GRIK2: variants seen among roughly 807,000 people sequenced by gnomAD.
The protein encoded by GRIK2 is glutamate ionotropic receptor kainate type subunit 2.
A neutral mutation model predicts 100.3 loss-of-function variants in GRIK2; 32 were observed. That is an observed-to-expected ratio of 0.32 (90% CI 0.24 to 0.43). GRIK2 has a LOEUF of 0.43. Among genes scored for constraint, GRIK2 ranks in the 20% least tolerant of loss-of-function variants. GRIK2 has a pLI of 1.00. For missense variants in GRIK2, 843 were observed against 1,114.9 expected, an observed-to-expected ratio of 0.76 and a Z score of 3.47; for synonymous variants, 417 against 389.4, an observed-to-expected ratio of 1.07 and a Z score of -0.83.
intron 4 of GRIK2, among the ~76,000 whole-genome samples, chr6:101,654,567 A>G (rs1781967628): frequency 2.0e-5 from 3 of 152,172 alleles, no homozygotes; most frequent in Admixed American, 2.0e-4. Flanking sequence ...TAATATGTTC[A>G]ATACCAGCAC....
At chr6:101,422,241 T>G (rs1219387818) in intron 2 of GRIK2, among the ~76,000 whole-genome samples, 1 of 152,178 alleles carries the variant, frequency 6.6e-6, no homozygotes, top group East Asian at 1.9e-4. Context: ...TCCTCTGCTT[T>G]AACTGAGGGG....
chr6:101,683,886 T>C (rs576717150), intron 6 of GRIK2, among the ~76,000 whole-genome samples: 11 of 152,200 alleles, frequency 7.2e-5, no homozygotes, highest in Non-Finnish European at 1.5e-4. Flanking sequence ...TCCTTTGTAG[T>C]GTCTCTAGCA....
intron 2 of GRIK2, among the ~76,000 whole-genome samples, chr6:101,550,529 T>C (rs1051391819): frequency 6.6e-6 from 1 of 152,226 alleles, no homozygotes; most frequent in Non-Finnish European, 1.5e-5. Flanking sequence ...AGCTTTGTAA[T>C]GTCATTGAGT....
At chr6:101,938,465 T>A (rs893351760) in intron 14 of GRIK2, among the ~76,000 whole-genome samples, 2 of 152,136 alleles carry the variant, frequency 1.3e-5, no homozygotes, top group African/African-American at 4.8e-5. Flanking sequence ...TCAAAAATAC[T>A]GCTTTAAGAA....
intron 14 of GRIK2, among the ~76,000 whole-genome samples, chr6:102,014,531 G>C (rs894639324): frequency 6.6e-6 from 1 of 152,008 alleles, no homozygotes; most frequent in African/African-American, 2.4e-5. Flanking sequence ...TAATTGTGAT[G>C]TTAGGTTGTT....
chr6:101,549,950 C>T (rs953186176), intron 2 of GRIK2, among the ~76,000 whole-genome samples: 2 of 152,146 alleles, frequency 1.3e-5, no homozygotes, highest in African/African-American at 4.8e-5. Flanking sequence ...GATTTGCACC[C>T]AAGCCTCTGT....
chr6:101,781,851 TAAAC>T (rs1394534374), intron 7 of GRIK2, among the ~76,000 whole-genome samples: 1 of 151,740 alleles, frequency 6.6e-6, no homozygotes, highest in Non-Finnish European at 1.5e-5. Flanking sequence ...TTTTCTAAAA[TAAAC>T]AACAGAAATT....
At chr6:101,904,033 A>G (rs1044566303) in intron 12 of GRIK2, among the ~76,000 whole-genome samples, 8 of 151,454 alleles carry the variant, frequency 5.3e-5, no homozygotes, top group African/African-American at 1.9e-4. Flanking sequence ...GGTTTGTTGA[A>G]CTAGCATTGC....
At chr6:101,614,408 T>A (rs1562261809) in intron 2 of GRIK2, among the ~76,000 whole-genome samples, 1 of 151,848 alleles carries the variant, frequency 6.6e-6, no homozygotes, top group East Asian at 1.9e-4. Context: ...AGTTTTTTGT[T>A]TATGATACTT....
chr6:102,031,103 ACACACACACACACACACACACACACC>A (rs1217312877), intron 14 of GRIK2, among the ~76,000 whole-genome samples: 5 of 140,202 alleles, frequency 3.6e-5, no homozygotes, highest in Non-Finnish European at 6.4e-5. Context: ...ACACACACAC[ACACACACACACACACACACACACACC>A]CCCTTTGAGT....
At chr6:101,523,095 G>T (rs1413743984) in intron 2 of GRIK2, among the ~76,000 whole-genome samples, 1 of 150,914 alleles carries the variant, frequency 6.6e-6, no homozygotes, top group Non-Finnish European at 1.5e-5. Context: ...ATTAATGTAT[G>T]AATCAAGTAT....
At chr6:101,529,998 A>T (rs1452422003) in intron 2 of GRIK2, among the ~76,000 whole-genome samples, 1 of 152,110 alleles carries the variant, frequency 6.6e-6, no homozygotes, top group East Asian at 1.9e-4. Context: ...AGCCAGTATA[A>T]TGTATACACT....
At position 101,393,778 on chromosome 6, in the gene GRIK2, G is replaced by T. The variant is rs928336810; in HGVS notation, c.-353G>T. The stretch of plus-strand genomic sequence containing the variant: ...GGGACTTTTCCGCCCGACCTCCTCC[G>T]GCTGCTCCTCCCCGAGGACCACCCC... On this transcript the variant is annotated 5_prime_UTR_variant, in exon 1 of 17. Transcript: ENST00000369134. 1.3e-5 allele frequency among the ~76,000 whole-genome samples: 2 copies of T among 151,986 alleles called. No homozygotes were observed. The highest frequency in any genetic ancestry group is 2.9e-5 in the Non-Finnish European group (2 of 67,990).
chr6:101,429,437 T>C (rs923956791), intron 2 of GRIK2, among the ~76,000 whole-genome samples: 2 of 152,190 alleles, frequency 1.3e-5, no homozygotes, highest in Non-Finnish European at 2.9e-5. Context: ...TTCACAGCTG[T>C]GAGTCAGAAT....
chr6:101,500,210 G>A lies in GRIK2; in HGVS notation c.115+100818G>A, dbSNP rs529378856. ...GATTATGTATACATAGAAAGGTTGT[G>A]TTTTTTTCCCAAAGAAAACCAATTG... On this transcript the variant is annotated intron_variant, in intron 2 of 16. Transcript: ENST00000369134. Among the ~76,000 whole-genome samples the A allele has an allele frequency of 2.0e-5, 3 of 152,024 alleles. 1 individual carries two copies. The South Asian group carries it at 6.2e-4, about 32-fold the overall frequency.
intron 6 of GRIK2, among the ~76,000 whole-genome samples, chr6:101,684,858 C>G (rs1220020057): frequency 6.6e-6 from 1 of 152,022 alleles, no homozygotes; most frequent in Non-Finnish European, 1.5e-5. Flanking sequence ...TCTTCTTGAC[C>G]TCCAGGTATA....
chr6:101,762,914 C>A (rs1777821022), intron 7 of GRIK2, among the ~76,000 whole-genome samples: 1 of 152,100 alleles, frequency 6.6e-6, no homozygotes, highest in South Asian at 2.1e-4. Flanking sequence ...TTTGCTGAGA[C>A]ACTTCTTTGT....
At chr6:101,426,482 C>G (rs1476604497) in intron 2 of GRIK2, among the ~76,000 whole-genome samples, 1 of 152,152 alleles carries the variant, frequency 6.6e-6, no homozygotes, top group African/African-American at 2.4e-5. Context: ...CCCCCTCCTC[C>G]CTACACTTCC....
At chr6:101,748,581 T>C (rs1776590460) in intron 7 of GRIK2, among the ~76,000 whole-genome samples, 1 of 152,018 alleles carries the variant, frequency 6.6e-6, no homozygotes, top group Admixed American at 6.6e-5. Flanking sequence ...TATATAAATT[T>C]ATCTTTTTCC....
Sources: allele counts gnomAD v4.1 joint callset (sites outside exome capture counted in the v4.1 genomes callset), GRCh38; gene constraint gnomAD v4.1.1; transcripts MANE v1.5; gene names NCBI Gene and HGNC (gene_info 2026-07-23, HGNC 2026-07-21).